GRIP1: variants seen among roughly 807,000 people sequenced by gnomAD.
The protein encoded by GRIP1 is glutamate receptor-interacting protein 1.
A neutral mutation model predicts 129.9 loss-of-function variants in GRIP1; 45 were observed. The observed-to-expected ratio is 0.35, with a 90% confidence interval of 0.27 to 0.44. The LOEUF is 0.44. GRIP1 is among the 20% of genes least tolerant of loss of function. The probability of loss-of-function intolerance (pLI) is 1.00; values close to 1 mark genes in which losing one functional copy is unlikely to be tolerated. For missense variants in GRIP1, 1,196 were observed against 1,396.8 expected, an observed-to-expected ratio of 0.86 and a Z score of 2.29; for synonymous variants, 530 against 520.8, an observed-to-expected ratio of 1.02 and a Z score of -0.24.
At chr12:66,691,125 T>C (rs1419391784) in intron 1 of GRIP1, among the ~76,000 whole-genome samples, 1 of 152,178 alleles carries the variant, frequency 6.6e-6, no homozygotes, top group African/African-American at 2.4e-5. Flanking sequence ...TTTCATGCTT[T>C]AACTTCAGAA....
intron 1 of GRIP1, among the ~76,000 whole-genome samples, chr12:66,700,839 TTGCTGTC>T (rs1458248318): frequency 6.6e-6 from 1 of 152,126 alleles, no homozygotes; most frequent in African/African-American, 2.4e-5. Flanking sequence ...AAATGCTTTA[TTGCTGTC>T]TGAGGCTTTC....
At chr12:66,782,362 T>C (rs1394379314) in intron 1 of GRIP1, among the ~76,000 whole-genome samples, 3 of 152,184 alleles carry the variant, frequency 2.0e-5, no homozygotes, top group Non-Finnish European at 4.4e-5. Flanking sequence ...TAGCAAGTGG[T>C]TGTTAATTTT....
intron 1 of GRIP1, among the ~76,000 whole-genome samples, chr12:67,045,242 A>T (rs1237945467): frequency 6.6e-6 from 1 of 152,190 alleles, no homozygotes; most frequent in Non-Finnish European, 1.5e-5. Flanking sequence ...TAGTCAGCAA[A>T]ATCCTGTTGA....
At chr12:66,832,075 A>G (rs1165300840) in intron 1 of GRIP1, among the ~76,000 whole-genome samples, 1 of 152,172 alleles carries the variant, frequency 6.6e-6, no homozygotes, top group Non-Finnish European at 1.5e-5. Context: ...GAATTGAGAC[A>G]AGTCACTTCT....
Position 66,465,335 on chromosome 12 carries a change from A to C in GRIP1, c.812T>G (p.Met271Arg). Residue 271 changes from methionine (M) to arginine (R), a missense_variant, in exon 8 of 25, where the codon ATG becomes AGG. Physicochemically the swap from Met to Arg is moderately conservative, Grantham distance 91 (BLOSUM62 -1). This residue lies in a region of GRIP1 where 508 missense variants were observed against 587.0 expected (regional missense o/e 0.87). Transcript: ENST00000359742. ...ASLGVALTTS[M>R]CCNKQVIVID... ...GACAATGACTTGTTTGTTACAGCACATCGAGGTAGTTAGGGCAACCCCAAG... is the reference window on the plus strand; with the variant it reads ...GACAATGACTTGTTTGTTACAGCACCTCGAGGTAGTTAGGGCAACCCCAAG... 6.2e-7 allele frequency: 1 copy of C among 1,613,878 alleles called. No homozygotes were observed. Among genetic ancestry groups the C allele is most frequent in the Non-Finnish European group, 8.5e-7 (1 of 1,179,732 alleles).
At chr12:66,912,515 T>C (rs1217681676) in intron 1 of GRIP1, among the ~76,000 whole-genome samples, 1 of 152,166 alleles carries the variant, frequency 6.6e-6, no homozygotes, top group South Asian at 2.1e-4. Context: ...TTATATTTGA[T>C]TCATATCTGA....
intron 1 of GRIP1, among the ~76,000 whole-genome samples, chr12:66,835,819 A>G (rs755527245): frequency 2.0e-5 from 3 of 152,314 alleles, no homozygotes; most frequent in Non-Finnish European, 2.9e-5. Context: ...TGGTGCATAC[A>G]TGTCATCATA....
At chr12:66,863,420 A>G (rs908010792) in intron 1 of GRIP1, among the ~76,000 whole-genome samples, 3 of 152,220 alleles carry the variant, frequency 2.0e-5, no homozygotes, top group African/African-American at 7.2e-5. Context: ...AAGAAGCAAG[A>G]TAAAGCAAGG....
chr12:66,654,293 T>C (rs967851660), intron 1 of GRIP1, among the ~76,000 whole-genome samples: 7 of 151,950 alleles, frequency 4.6e-5, no homozygotes, highest in Admixed American at 2.0e-4. Flanking sequence ...CTTGCAAAGA[T>C]AAGGTAAAAT....
At chr12:66,842,755 G>A (rs2137053400) in intron 1 of GRIP1, among the ~76,000 whole-genome samples, 1 of 152,246 alleles carries the variant, frequency 6.6e-6, no homozygotes, top group East Asian at 1.9e-4. Flanking sequence ...CTCAATTGAT[G>A]CTGAATGAAT....
At chr12:66,607,464 C>T (rs2064589161) in intron 1 of GRIP1, among the ~76,000 whole-genome samples, 1 of 152,162 alleles carries the variant, frequency 6.6e-6, no homozygotes, top group African/African-American at 2.4e-5. Context: ...ACTCTCTTTT[C>T]TCCTTTAGTA....
intron 1 of GRIP1, among the ~76,000 whole-genome samples, chr12:66,618,451 C>T (rs989067351): frequency 6.6e-6 from 1 of 151,952 alleles, no homozygotes; most frequent in South Asian, 2.1e-4. Context: ...AATCTTTTCA[C>T]CATATATCTT....
At chr12:66,782,950 G>A (rs576838200) in intron 1 of GRIP1, among the ~76,000 whole-genome samples, 1 of 152,220 alleles carries the variant, frequency 6.6e-6, no homozygotes, top group African/African-American at 2.4e-5. Context: ...TTCTCACTCT[G>A]GAGTCTGAGA....
intron 15 of GRIP1, among the ~76,000 whole-genome samples, chr12:66,419,734 C>G (rs542051278): frequency 6.6e-6 from 1 of 152,342 alleles, no homozygotes; most frequent in African/African-American, 2.4e-5. Flanking sequence ...GTCTCTTTGT[C>G]ATAGCAGTGG....
At chr12:66,414,868 G>A (rs1247329573) in intron 15 of GRIP1, among the ~76,000 whole-genome samples, 1 of 150,794 alleles carries the variant, frequency 6.6e-6, no homozygotes, top group African/African-American at 2.5e-5. Context: ...TTTAATACAT[G>A]GCACTGGGAG....
intron 1 of GRIP1, among the ~76,000 whole-genome samples, chr12:66,990,094 G>A (rs1297037241): frequency 6.6e-6 from 1 of 152,132 alleles, no homozygotes; most frequent in Non-Finnish European, 1.5e-5. Context: ...TACATAAGAA[G>A]GATGAAGAAA....
intron 16 of GRIP1, among the ~76,000 whole-genome samples, chr12:66,398,960 G>A (rs1383528612): frequency 1.3e-5 from 2 of 151,950 alleles, no homozygotes; most frequent in Non-Finnish European, 2.9e-5. Flanking sequence ...CTAGAACTAT[G>A]TCTGGTACCA....
chr12:66,996,508 G>T (rs1374340643), intron 1 of GRIP1, among the ~76,000 whole-genome samples: 1 of 152,106 alleles, frequency 6.6e-6, no homozygotes, highest in Admixed American at 6.6e-5. Flanking sequence ...CAGTGCCAGA[G>T]AATCACCTCT....
intron 1 of GRIP1, among the ~76,000 whole-genome samples, chr12:66,905,578 C>T (rs1418078584): frequency 6.6e-6 from 1 of 152,148 alleles, no homozygotes; most frequent in African/African-American, 2.4e-5. Context: ...GAAATAATTG[C>T]AAATCAAAGG....
Sources: gnomAD v4.1 joint callset for allele counts (sites outside exome capture counted in the v4.1 genomes callset) on GRCh38, gnomAD v4.1.1 for gene constraint, gnomAD v4.1.1 regional missense constraint, MANE v1.5 for transcripts, NCBI Gene and HGNC (gene_info 2026-07-23, HGNC 2026-07-21) for gene names.